CABIN1: variants seen among roughly 807,000 people sequenced by gnomAD.
CABIN1 encodes the protein calcineurin binding protein 1, also known as calcineurin-binding protein cabin-1.
A neutral mutation model predicts 227.7 loss-of-function variants in CABIN1; 133 were observed. The observed-to-expected ratio is 0.58, with a 90% confidence interval of 0.51 to 0.67. The LOEUF (loss-of-function observed/expected upper bound fraction) is 0.67. Among genes scored for constraint, CABIN1 ranks in the 30% least tolerant of loss-of-function variants. CABIN1 has a pLI of 0.00. For missense variants in CABIN1, 2,408 were observed against 2,852.5 expected, an observed-to-expected ratio of 0.84 and a Z score of 3.55; for synonymous variants, 1,086 against 1,155.1, an observed-to-expected ratio of 0.94 and a Z score of 1.21.
chr22:24,090,698 G>A (rs1412264929), intron 23 of CABIN1, among the ~76,000 whole-genome samples: 1 of 152,042 alleles, frequency 6.6e-6, no homozygotes, highest in African/African-American at 2.4e-5. Context: ...CTTCCTGCAG[G>A]CCACAGCAGC....
chr22:24,166,086 G>A (rs1033408588), intron 31 of CABIN1, among the ~76,000 whole-genome samples: 1 of 152,208 alleles, frequency 6.6e-6, no homozygotes, highest in Non-Finnish European at 1.5e-5. Context: ...TGGGAGTTGA[G>A]CCAGGACTGC....
intron 28 of CABIN1, among the ~76,000 whole-genome samples, chr22:24,123,730 G>A (rs1191115290): frequency 6.6e-6 from 1 of 152,236 alleles, no homozygotes; most frequent in African/African-American, 2.4e-5. Context: ...ACCATTAACT[G>A]GGAAGTAGTT....
At chr22:24,072,619 G>C in intron 18 of CABIN1, 109 bp downstream of exon 18, 1 of 1,296,306 alleles carries the variant, frequency 7.7e-7, no homozygotes, top group Non-Finnish European at 1.1e-6. Context: ...GTGGGGCTCA[G>C]TCCTCTCAAT....
chr22:24,109,313 C>T (rs574894130), intron 26 of CABIN1, among the ~76,000 whole-genome samples: 2 of 151,862 alleles, frequency 1.3e-5, no homozygotes, highest in African/African-American at 4.8e-5. Context: ...CAGCCTCAAC[C>T]TCCTGGGCTC....
rs778236115 is a variant in CABIN1 at position 24,067,078 on chromosome 22, A to C, written c.2129A>C (p.His710Pro). The change falls in exon 16 of 37, where the codon CAT becomes CCT. Residue 710 changes from histidine to proline, a missense_variant. Physicochemically the swap from His to Pro is moderately conservative, Grantham distance 77 (BLOSUM62 -2). Transcript: ENST00000263119. Reference sequence around the variant, plus strand: ...GCAGGCGACTACAAGGCTGTTGTGCATCTGCTCCGCCCCACTTTGTGCACC... The same window carrying C: ...GCAGGCGACTACAAGGCTGTTGTGCCTCTGCTCCGCCCCACTTTGTGCACC... ...YEAGDYKAVV[H>P]LLRPTLCTSG... is the part of the protein sequence containing the mutation. The C allele has an allele frequency of 1.5e-5, 24 of 1,614,206 alleles. No individual in the cohort carries two copies. The highest frequency in any genetic ancestry group is 1.9e-5 in the Non-Finnish European group (22 of 1,180,036).
At chr22:24,030,436 A>G (rs1331626083) in intron 1 of CABIN1, among the ~76,000 whole-genome samples, 1 of 152,176 alleles carries the variant, frequency 6.6e-6, no homozygotes, top group African/African-American at 2.4e-5. Flanking sequence ...CATTAAATTC[A>G]AGTGAGATAA....
At chr22:24,026,673 C>T (rs2036113385) in intron 1 of CABIN1, among the ~76,000 whole-genome samples, 1 of 152,086 alleles carries the variant, frequency 6.6e-6, no homozygotes, top group African/African-American at 2.4e-5. Context: ...GCCTTTGCAC[C>T]ATAGTCAGTA....
intron 2 of CABIN1, 72 bp downstream of exon 2, chr22:24,035,592 C>T: frequency 6.3e-7 from 1 of 1,580,704 alleles, no homozygotes; most frequent in East Asian, 2.2e-5. Flanking sequence ...GGGCGAGGGG[C>T]ATTTTCCTGT....
In CABIN1 at chr22:24,091,863, G is replaced by T; in HGVS notation, c.3786+20G>T. 1 of 1,610,876 alleles carries T rather than the reference G, an allele frequency of 6.2e-7. No homozygotes were observed. Among genetic ancestry groups the T allele is most frequent in the Non-Finnish European group, 8.5e-7 (1 of 1,177,606 alleles). On this transcript the variant is annotated intron_variant, in intron 24 of 36. Coordinates refer to ENST00000263119, the MANE Select transcript of CABIN1 (RefSeq NM_012295.4). ...CTGGAGGTGACACCATGCTGGCCCA[G>T]GGCGGGGAAGCAGGGCAGGGGCAGG...
At chr22:24,036,798 A>G (rs970570223) in intron 3 of CABIN1, among the ~76,000 whole-genome samples, 1 of 152,054 alleles carries the variant, frequency 6.6e-6, no homozygotes, top group Non-Finnish European at 1.5e-5. Flanking sequence ...ATTTTATGGT[A>G]GAAATCAGGA....
Position 24,062,980 on chromosome 22 carries a change from C to T in CABIN1, c.1718C>T (p.Ala573Val). 1 of 1,614,194 alleles carries T rather than the reference C, an allele frequency of 6.2e-7. No individual in the cohort carries two copies. Among genetic ancestry groups the T allele is most frequent in the Non-Finnish European group, 8.5e-7 (1 of 1,180,028 alleles). ...SSAVSPRNCP[A>V]GMVNGRFGPD... ...TTAGTGTCTCCTCGGAACTGCCCTG[C>T]TGGTATGGTGAATGGCAGATTTGGA... The change falls in exon 14 of 37, where the codon GCT becomes GTT. Residue 573 changes from alanine (A) to valine (V), a missense_variant. Physicochemically the swap from Ala to Val is moderately conservative, Grantham distance 64. Coordinates refer to ENST00000263119, the MANE Select transcript of CABIN1 (RefSeq NM_012295.4).
At chr22:24,090,695 C>T (rs758736758) in intron 23 of CABIN1, among the ~76,000 whole-genome samples, 2 of 152,122 alleles carry the variant, frequency 1.3e-5, no homozygotes, top group Non-Finnish European at 2.9e-5. Flanking sequence ...GCACTTCCTG[C>T]AGGCCACAGC....
intron 26 of CABIN1, among the ~76,000 whole-genome samples, chr22:24,107,175 TCCAGCTCTGCCACAGCAGCCCACC>T (rs2042563261): frequency 6.6e-6 from 1 of 152,124 alleles, no homozygotes; most frequent in African/African-American, 2.4e-5. Context: ...CCCCTGCCTC[TCCAGCTCTGCCACAGCAGCCCACC>T]CCAGCATCAT....
At chr22:24,101,409 G>T (rs952529394) in intron 26 of CABIN1, among the ~76,000 whole-genome samples, 12 of 152,174 alleles carry the variant, frequency 7.9e-5, no homozygotes, top group Non-Finnish European at 1.5e-5. Context: ...CTGCATTAGG[G>T]TGGGGAGCAT....
At position 24,072,569 on chromosome 22, in the gene CABIN1, C is replaced by CCT. The variant is rs2040169338; in HGVS notation, c.2632+62_2632+63dup. The CCT allele has an allele frequency of 2.5e-6, 4 of 1,601,128 alleles. No homozygotes were observed. The East Asian group carries it at 8.9e-5, about 36-fold the overall frequency. On this transcript the variant is annotated intron_variant, in intron 18 of 36. Transcript: ENST00000263119. Reference sequence around the variant, plus strand: ...CTGACTCCCATGTCCTTGCCCCTGTCCTCTGCCCTAGGGTCCTGGACCTTA... The same window carrying CCT: ...CTGACTCCCATGTCCTTGCCCCTGTCCTCTCTGCCCTAGGGTCCTGGACCTTA...
chr22:24,060,107 C>T lies in CABIN1; in HGVS notation c.1583C>T (p.Pro528Leu), dbSNP rs201625780. The change falls in exon 12 of 37, where the codon CCG (proline) becomes CTG (leucine). Residue 528 changes from proline (P) to leucine (L), a missense_variant. Physicochemically the swap from Pro to Leu is moderately conservative, Grantham distance 98 (BLOSUM62 -3). Coordinates refer to ENST00000263119, the MANE Select transcript of CABIN1 (RefSeq NM_012295.4). ...WRRHSTSLPN[P>L]LLRDCSNKHI... ...AGGCACAGCACCAGCCTGCCCAACC[C>T]GCTGCTGAGGGACTGCAGCAACAAG... 85 of 1,613,874 alleles carry T rather than the reference C, an allele frequency of 5.3e-5. No homozygotes were observed. The highest frequency in any genetic ancestry group is 6.1e-5 in the Non-Finnish European group (72 of 1,180,016).
Position 24,178,477 on chromosome 22 carries a change from C to T in CABIN1, c.*281C>T. On this transcript the variant is annotated 3_prime_UTR_variant, in exon 37 of 37. Coordinates refer to ENST00000263119, the MANE Select transcript of CABIN1 (RefSeq NM_012295.4). ...GGCATCCTTTTCTATGAAGTGTTGA[C>T]TTTGTAAATCTGCCCACACCCAGCT... 1 of 472,958 alleles carries T rather than the reference C, an allele frequency of 2.1e-6. No individual in the cohort carries two copies. Among genetic ancestry groups the T allele is most frequent in the Non-Finnish European group, 3.9e-6 (1 of 255,796 alleles). The allele number at this position is 472,958 out of a possible 1,614,324, so 29.3% of individuals were successfully genotyped here.
At chr22:24,019,949 G>A (rs963247331) in intron 1 of CABIN1, among the ~76,000 whole-genome samples, 2 of 151,922 alleles carry the variant, frequency 1.3e-5, no homozygotes, top group Non-Finnish European at 2.9e-5. Flanking sequence ...GAGTCACTGT[G>A]CTTGGCCTTT....
chr22:24,042,877 T>TGTGTGTGTGTGTGTGTGTGTGTG (rs1491335662), intron 5 of CABIN1, 27 bp from the exon 6 acceptor site: 13 of 1,463,682 alleles, frequency 8.9e-6, no homozygotes, highest in East Asian at 2.3e-5. Flanking sequence ...TGTGTGTGTG[T>TGTGTGTGTGTGTGTGTGTGTGTG]TTGCCCTCTG....
Sources: allele counts gnomAD v4.1 joint callset (sites outside exome capture counted in the v4.1 genomes callset), GRCh38; gene constraint gnomAD v4.1.1; transcripts MANE v1.5; gene names NCBI Gene and HGNC (gene_info 2026-07-23, HGNC 2026-07-21).